PTH2R: variants seen among roughly 807,000 people sequenced by gnomAD.
PTH2R encodes parathyroid hormone 2 receptor.
Under a neutral mutation model 60.3 loss-of-function variants are expected in PTH2R, and 59 were observed. The ratio of observed to expected loss-of-function variants is 0.98; its 90% CI spans 0.79 to 1.22. PTH2R has a LOEUF of 1.22. PTH2R is among the 50% of genes most tolerant of loss of function. The probability of loss-of-function intolerance (pLI) is 0.00; values close to 1 mark genes in which losing one functional copy is unlikely to be tolerated. For missense variants in PTH2R, 749 were observed against 682.6 expected (o/e 1.10, Z -1.08); for synonymous variants, 256 against 243.8 (o/e 1.05, Z -0.47).
chr2:208,477,922 CTAGTACTAGCACTACTACTAG>C (rs1183038123), intron 9 of PTH2R, among the ~76,000 whole-genome samples: 180 of 146,318 alleles, frequency 1.2e-3, no homozygotes, highest in Non-Finnish European at 1.9e-3. Context: ...AGCACTACTA[CTAGTACTAGCACTACTACTAG>C]TAGTACTAGC....
At chr2:208,373,731 G>A (rs1700744198) in intron 1 of PTH2R, among the ~76,000 whole-genome samples, 1 of 152,046 alleles carries the variant, frequency 6.6e-6, no homozygotes, top group African/African-American at 2.4e-5. Context: ...AGGAAACTCT[G>A]GAAGGACCAC....
chr2:208,473,634 G>A (rs1702932659), intron 9 of PTH2R, among the ~76,000 whole-genome samples: 2 of 152,112 alleles, frequency 1.3e-5, no homozygotes, highest in Admixed American at 6.5e-5. Flanking sequence ...TCTTCCCTGT[G>A]TGCTCCTCAT....
chr2:208,395,747 A>G (rs954365789), intron 1 of PTH2R, among the ~76,000 whole-genome samples: 1 of 152,200 alleles, frequency 6.6e-6, no homozygotes, highest in Non-Finnish European at 1.5e-5. Flanking sequence ...AAGGTAATTT[A>G]TAGATTCAAT....
chr2:208,434,309 A>AG (rs1702030632), intron 2 of PTH2R, among the ~76,000 whole-genome samples: 1 of 152,156 alleles, frequency 6.6e-6, no homozygotes, highest in East Asian at 1.9e-4. Context: ...CAAAAAAAAA[A>AG]AAATCTCTAT....
chr2:208,440,611 A>G (rs1415036733), intron 4 of PTH2R, among the ~76,000 whole-genome samples: 2 of 152,160 alleles, frequency 1.3e-5, no homozygotes, highest in African/African-American at 4.8e-5. Context: ...CCTTCCTATG[A>G]GAGAAGAGAC....
intron 4 of PTH2R, 33 bp from the exon 5 acceptor site, chr2:208,442,331 C>G: frequency 7.0e-7 from 1 of 1,432,610 alleles, no homozygotes. Context: ...TAAAATAGTC[C>G]CATATCATAC....
At chr2:208,490,730 C>A in intron 12 of PTH2R, 50 bp downstream of exon 12, 1 of 1,521,892 alleles carries the variant, frequency 6.6e-7, no homozygotes, top group Non-Finnish European at 8.9e-7. Context: ...TGTAAATGGC[C>A]ATCACAATGT....
At chr2:208,490,779 G>A (rs935578543) in intron 12 of PTH2R, 99 bp downstream of exon 12, 2 of 1,156,326 alleles carry the variant, frequency 1.7e-6, no homozygotes, top group African/African-American at 1.6e-5. Flanking sequence ...TTTCCAGGAT[G>A]GAATGGGTGA....
chr2:208,377,890 T>G (rs1004390947), intron 1 of PTH2R, among the ~76,000 whole-genome samples: 2 of 133,880 alleles, frequency 1.5e-5, no homozygotes, highest in East Asian at 4.4e-4. Flanking sequence ...CTTCCCAGAC[T>G]GGGCAGCCAG....
chr2:208,368,124 C>T (rs59500200), intron 1 of PTH2R, among the ~76,000 whole-genome samples: 38 of 152,314 alleles, frequency 2.5e-4, no homozygotes, highest in African/African-American at 8.7e-4. Context: ...CTCTTAGATA[C>T]AACCACAGAG....
intron 1 of PTH2R, among the ~76,000 whole-genome samples, chr2:208,362,383 TCC>T (rs1700492048): frequency 1.3e-5 from 2 of 152,216 alleles, no homozygotes; most frequent in African/African-American, 4.8e-5. Context: ...TATATATCAA[TCC>T]CATAGATAAA....
At chr2:208,418,412 T>A (rs970414874) in intron 1 of PTH2R, among the ~76,000 whole-genome samples, 1 of 151,530 alleles carries the variant, frequency 6.6e-6, no homozygotes, top group Non-Finnish European at 1.5e-5. Context: ...TTAGTGAGTA[T>A]AAATGAAAAA....
chr2:208,463,266 C>T (rs1414348087), intron 9 of PTH2R, among the ~76,000 whole-genome samples: 1 of 152,112 alleles, frequency 6.6e-6, no homozygotes, highest in Non-Finnish European at 1.5e-5. Context: ...TACACTGTTC[C>T]CACCTCAGGG....
chr2:208,420,474 G>T (rs1342650600), intron 1 of PTH2R, among the ~76,000 whole-genome samples: 1 of 151,750 alleles, frequency 6.6e-6, no homozygotes, highest in Admixed American at 6.6e-5. Flanking sequence ...TGCTAATGAA[G>T]TAGTCTTAAT....
At chr2:208,407,281 T>C (rs1160066868) in intron 1 of PTH2R, among the ~76,000 whole-genome samples, 163 bp downstream of exon 1, 1 of 152,010 alleles carries the variant, frequency 6.6e-6, no homozygotes, top group Non-Finnish European at 1.5e-5. Flanking sequence ...TGGCAGGCAA[T>C]TAGTGGAGGG....
At chr2:208,380,107 C>T (rs546201117) in intron 1 of PTH2R, among the ~76,000 whole-genome samples, 1 of 152,186 alleles carries the variant, frequency 6.6e-6, no homozygotes, top group African/African-American at 2.4e-5. Flanking sequence ...GTCAGGTTTC[C>T]CTGGCACAGA....
chr2:208,429,039 C>A (rs12621739), intron 2 of PTH2R, among the ~76,000 whole-genome samples: 1 of 149,700 alleles, frequency 6.7e-6, no homozygotes, highest in African/African-American at 2.5e-5. Context: ...GAGCTGAGAT[C>A]GCACCATTGA....
chr2:208,406,614 G>A (rs1320483203), upstream of PTH2R, among the ~76,000 whole-genome samples: 1 of 152,160 alleles, frequency 6.6e-6, no homozygotes, highest in African/African-American at 2.4e-5. Context: ...GAAACATTGC[G>A]AATCGGGGGT....
intron 7 of PTH2R, among the ~76,000 whole-genome samples, chr2:208,448,186 A>G (rs1702328490): frequency 6.6e-6 from 1 of 152,104 alleles, no homozygotes; most frequent in African/African-American, 2.4e-5. Context: ...TTGATCATCC[A>G]CTTGGCAGTA....
Sources: gnomAD v4.1 joint callset for allele counts (sites outside exome capture counted in the v4.1 genomes callset) on GRCh38, gnomAD v4.1.1 for gene constraint, MANE v1.5 for transcripts, NCBI Gene and HGNC (gene_info 2026-07-23, HGNC 2026-07-21) for gene names.